MLLT10: variants seen among roughly 807,000 people sequenced by gnomAD.
The protein encoded by MLLT10 is protein AF-10.
MLLT10 carries 30 observed loss-of-function variants against 129.1 expected under a neutral mutation model. The ratio of observed to expected loss-of-function variants is 0.23; its 90% CI spans 0.17 to 0.32. The LOEUF is 0.32. Ranked by LOEUF, MLLT10 falls within the 10% of genes least tolerant of loss-of-function variation. The pLI, the probability that MLLT10 is intolerant of heterozygous loss-of-function variation, is 1.00. For missense variants in MLLT10, 1,119 were observed against 1,268.3 expected, an observed-to-expected ratio of 0.88 and a Z score of 1.79; for synonymous variants, 490 against 446.4, an observed-to-expected ratio of 1.10 and a Z score of -1.23.
chr10:21,625,941 A>AC, intron 8 of MLLT10: 1 of 802,182 alleles, frequency 1.2e-6, no homozygotes, highest in East Asian at 2.4e-5. Flanking sequence ...TTACCTACAA[A>AC]CACCTCTGTT....
At position 21,646,614 on chromosome 10, in the gene MLLT10, A is replaced by G. The variant is rs559800439; in HGVS notation, c.700-5059A>G. 6.6e-5 allele frequency among the ~76,000 whole-genome samples: 10 copies of G among 152,266 alleles called. No individual in the cohort carries two copies. In the East Asian group the frequency reaches 1.9e-3, roughly 29 times the overall value. ...ACACGGCTATTTTAAGGATTGAGATATCATGTGTATTCATAAAATATAAAC... is the reference window on the plus strand; with the variant it reads ...ACACGGCTATTTTAAGGATTGAGATGTCATGTGTATTCATAAAATATAAAC... On this transcript the variant is annotated intron_variant, in intron 8 of 22. Transcript: ENST00000307729.
chr10:21,534,652 C>T lies in MLLT10; in HGVS notation c.8C>T (p.Ser3Phe), dbSNP rs770537944. 1.2e-6 allele frequency: 2 copies of T among 1,608,180 alleles called. No homozygotes were observed. The highest frequency in any genetic ancestry group is 1.3e-5 in the African/African-American group (1 of 74,694). Residue 3 changes from serine (S) to phenylalanine (F), a missense_variant, in exon 2 of 23, where the codon TCT becomes TTT. Ser to Phe is a radical substitution (Grantham distance 155). Transcript: ENST00000307729. ...CCCCCAACTCCCTCTTAGATGGTCT[C>T]TAGCGACCGGCCCGTGTCACTGGAG... Reference protein sequence around the residue: MVSSDRPVSLEDE... With the variant: MVFSDRPVSLEDE...
chr10:21,728,536 G>A (rs2057696377), intron 16 of MLLT10, among the ~76,000 whole-genome samples: 1 of 152,148 alleles, frequency 6.6e-6, no homozygotes, highest in South Asian at 2.1e-4. Context: ...GTGTCTGCTT[G>A]TAGGGGAGAA....
At chr10:21,727,333 A>G (rs1467922401) in intron 15 of MLLT10, among the ~76,000 whole-genome samples, 2 of 152,114 alleles carry the variant, frequency 1.3e-5, no homozygotes, top group Non-Finnish European at 2.9e-5. Flanking sequence ...GTTTTTGTCA[A>G]TTTGGAAATT....
chr10:21,623,922 C>CT (rs143087513), intron 8 of MLLT10, among the ~76,000 whole-genome samples: 5,074 of 150,978 alleles, frequency 0.034, 280 homozygotes, highest in African/African-American at 0.12. Context: ...ATCTATGGTT[C>CT]TTTTTTTTTA....
chr10:21,735,455 T>C (rs998998903), intron 21 of MLLT10, among the ~76,000 whole-genome samples: 3 of 152,346 alleles, frequency 2.0e-5, no homozygotes, highest in East Asian at 3.9e-4. Flanking sequence ...TGCCATAGGC[T>C]CTGGTAACAC....
intron 15 of MLLT10, among the ~76,000 whole-genome samples, chr10:21,727,207 A>G (rs1220165298): frequency 6.6e-6 from 1 of 152,296 alleles, no homozygotes; most frequent in East Asian, 1.9e-4. Context: ...TTTATAAGGA[A>G]CTAACTGCAG....
chr10:21,707,342 G>A lies in MLLT10; in HGVS notation c.1700-6430G>A, dbSNP rs374245192. Among the ~76,000 whole-genome samples the A allele has an allele frequency of 2.1e-4, 32 of 151,694 alleles. No homozygotes were observed. The South Asian group carries it at 4.0e-3, about 19-fold the overall frequency. ...CGTGTAGCTGGGACTACAGGCACGCGCCACCATGCCCGGCTAATTTTTGTA... is the reference window on the plus strand; with the variant it reads ...CGTGTAGCTGGGACTACAGGCACGCACCACCATGCCCGGCTAATTTTTGTA... On this transcript the variant is annotated intron_variant, in intron 13 of 22. Transcript: ENST00000307729.
intron 8 of MLLT10, among the ~76,000 whole-genome samples, chr10:21,627,989 T>C (rs1303806728): frequency 6.6e-6 from 1 of 152,234 alleles, no homozygotes; most frequent in Non-Finnish European, 1.5e-5. Context: ...AATTATGAAG[T>C]ATTCAGCTTC....
intron 8 of MLLT10, chr10:21,624,448 A>G (rs889880075): frequency 3.9e-6 from 2 of 516,120 alleles, no homozygotes; most frequent in African/African-American, 3.9e-5. Context: ...GAGTATATAC[A>G]CAATAGTGAT....
chr10:21,567,472 G>C (rs894759945), intron 3 of MLLT10, among the ~76,000 whole-genome samples: 3 of 152,178 alleles, frequency 2.0e-5, no homozygotes, highest in Non-Finnish European at 4.4e-5. Context: ...GACAGGGAGG[G>C]ATGCCTTATT....
intron 4 of MLLT10, among the ~76,000 whole-genome samples, chr10:21,589,235 G>C (rs1260639162): frequency 2.7e-5 from 4 of 150,408 alleles, no homozygotes; most frequent in Non-Finnish European, 5.9e-5. Flanking sequence ...CCGTGCATGA[G>C]TTTCTGATTT....
intron 5 of MLLT10, among the ~76,000 whole-genome samples, chr10:21,601,121 T>C (rs1415012781): frequency 1.3e-5 from 2 of 152,160 alleles, no homozygotes; most frequent in Non-Finnish European, 2.9e-5. Context: ...TTTTGTTTTA[T>C]TTTTTATAGA....
chr10:21,673,732 T>A lies in MLLT10; in HGVS notation c.1434T>A (p.Pro478=). The change falls in exon 11 of 23, where the codon CCT becomes CCA. Residue 478 remains proline (P), a synonymous_variant. Transcript: ENST00000307729. ...RKGNKQSKHG[P]GRPKGNKNQE... is the part of the protein sequence containing the mutation. ...GAAATAAACAAAGTAAGCATGGGCC[T>A]GGCAGACCCAAAGGAAACAAAAATC... is the stretch of plus-strand genomic sequence containing the variant. The A allele has an allele frequency of 1.2e-6, 2 of 1,614,164 alleles. No homozygotes were observed. Among genetic ancestry groups the A allele is most frequent in the Non-Finnish European group, 1.7e-6 (2 of 1,180,018 alleles).
intron 9 of MLLT10, among the ~76,000 whole-genome samples, chr10:21,665,370 C>T (rs1331015441): frequency 6.6e-6 from 1 of 150,492 alleles, no homozygotes; most frequent in African/African-American, 2.5e-5. Context: ...CTTACCGCAA[C>T]CTCCGCCTCC....
chr10:21,721,484 G>C (rs1350437813), intron 14 of MLLT10, among the ~76,000 whole-genome samples: 1 of 152,028 alleles, frequency 6.6e-6, no homozygotes. Context: ...TTTAGCATGA[G>C]CCAAGTTCCT....
chr10:21,625,316 C>G, intron 8 of MLLT10: 1 of 793,158 alleles, frequency 1.3e-6, no homozygotes, highest in African/African-American at 1.7e-5. Flanking sequence ...AGCTGCTCGT[C>G]TGTCTTCAGA....
intron 3 of MLLT10, among the ~76,000 whole-genome samples, chr10:21,568,772 G>C (rs543887462): frequency 2.0e-4 from 30 of 152,204 alleles, no homozygotes; most frequent in African/African-American, 6.5e-4. Context: ...GAGTAGCTGC[G>C]GTTACAGGAG....
intron 3 of MLLT10, among the ~76,000 whole-genome samples, chr10:21,563,984 T>C (rs1038468325): frequency 6.6e-6 from 1 of 152,068 alleles, no homozygotes; most frequent in African/African-American, 2.4e-5. Flanking sequence ...GGCTAATTTT[T>C]TGTATTTTTA....
Sources: allele counts gnomAD v4.1 joint callset (sites outside exome capture counted in the v4.1 genomes callset), GRCh38; gene constraint gnomAD v4.1.1; transcripts MANE v1.5; gene names NCBI Gene and HGNC (gene_info 2026-07-23, HGNC 2026-07-21).